The following NBEAL1 variants were observed in gnomAD, a reference collection of about 807,000 sequenced individuals.
NBEAL1 encodes the protein neurobeachin-like protein 1.
Under a neutral mutation model 351.3 loss-of-function variants are expected in NBEAL1, and 273 were observed. The ratio of observed to expected loss-of-function variants is 0.78; its 90% CI spans 0.70 to 0.86. NBEAL1 has a LOEUF of 0.86. Among genes scored for constraint, NBEAL1 ranks in the 40% least tolerant of loss-of-function variants. The probability of loss-of-function intolerance (pLI) is 0.00; values close to 1 mark genes in which losing one functional copy is unlikely to be tolerated. For synonymous variants in NBEAL1, 1,050 were observed against 1,086.4 expected (o/e 0.97, Z 0.66); for missense variants, 2,961 against 3,201.3 (o/e 0.92, Z 1.81).
chr2:203,034,593 G>A (rs2061011897), intron 2 of NBEAL1, among the ~76,000 whole-genome samples: 1 of 147,544 alleles, frequency 6.8e-6, no homozygotes, highest in Non-Finnish European at 1.5e-5. Flanking sequence ...CGAGTAGCTG[G>A]GATTACAGGC....
intron 2 of NBEAL1, among the ~76,000 whole-genome samples, chr2:203,024,179 G>C (rs900732668): frequency 1.3e-5 from 2 of 149,668 alleles, no homozygotes; most frequent in African/African-American, 4.9e-5. Flanking sequence ...CTGGGTGACA[G>C]AGTAAGACTC....
chr2:203,136,559 C>T (rs1376472491), intron 28 of NBEAL1, 40 bp from the exon 29 acceptor site: 1 of 1,405,304 alleles, frequency 7.1e-7, no homozygotes, highest in Non-Finnish European at 9.9e-7. Context: ...TGAACAACTA[C>T]ACCCTCTAGT....
chr2:203,022,008 G>A (rs962341757), intron 2 of NBEAL1, among the ~76,000 whole-genome samples: 2 of 150,316 alleles, frequency 1.3e-5, no homozygotes, highest in Admixed American at 6.7e-5. Context: ...CTGAGATCTC[G>A]CCACTACACT....
Position 203,133,095 on chromosome 2 carries a change from A to G in NBEAL1, c.3762A>G (p.Val1254=), listed in dbSNP as rs377594391. The stretch of plus-strand genomic sequence containing the variant: ...ATTTCAAAGATCTACTATCTGTGGT[A>G]TATATATCTCACAGAGCACATATAA... ...VINFKDLLSV[V]YISHRAHINV... Residue 1254 remains valine, a synonymous_variant, in exon 27 of 56, where the codon GTA becomes GTG. Coordinates refer to ENST00000683969, the MANE Select transcript of NBEAL1 (RefSeq NM_001378026.1). The G allele has an allele frequency of 3.0e-5, 46 of 1,518,974 alleles. No individual in the cohort carries two copies. The East Asian group carries it at 3.2e-4, about 11-fold the overall frequency. The allele number at this position is 1,518,974 out of a possible 1,614,324, so 94.1% of individuals were successfully genotyped here. A position where few individuals can be genotyped will look rare whatever the true frequency, so the allele number is the denominator to read the frequency against.
Position 203,192,966 on chromosome 2 carries a change from T to C in NBEAL1, c.6922-829T>C, listed in dbSNP as rs1199085685. On this transcript the variant is annotated intron_variant, in intron 46 of 55. Coordinates refer to ENST00000683969, the MANE Select transcript of NBEAL1 (RefSeq NM_001378026.1). ...TATTGACTTTTTTTCTTTCTTTCTT[T>C]TTTTTTTTTTTTTTTTTTTTTTTGA... Among the ~76,000 whole-genome samples the C allele has an allele frequency of 7.5e-3, 568 of 75,494 alleles. 12 individuals carry two copies. The highest frequency in any genetic ancestry group is 0.025 in the African/African-American group (527 of 21,098). The allele number at this position is 75,494 out of a possible 152,430, so 49.5% of individuals were successfully genotyped here.
At chr2:203,149,925 C>T (rs1159736481) in intron 34 of NBEAL1, among the ~76,000 whole-genome samples, 1 of 152,046 alleles carries the variant, frequency 6.6e-6, no homozygotes, top group African/African-American at 2.4e-5. Context: ...ATAGTATTCC[C>T]TTATAAGGAT....
intron 29 of NBEAL1, 61 bp downstream of exon 29, chr2:203,136,835 CGTTA>C (rs2106315518): frequency 7.2e-7 from 1 of 1,398,204 alleles, no homozygotes; most frequent in African/African-American, 1.4e-5. Context: ...TCTAAAATAA[CGTTA>C]GTTATTGAAC....
intron 31 of NBEAL1, among the ~76,000 whole-genome samples, chr2:203,139,403 AC>A (rs993575113): frequency 4.8e-4 from 73 of 151,954 alleles, no homozygotes; most frequent in African/African-American, 1.6e-3. Context: ...ACAGCTATTT[AC>A]CTGGCCCTTT....
intron 21 of NBEAL1, 97 bp from the exon 22 acceptor site, chr2:203,126,460 T>C: frequency 1.0e-6 from 1 of 992,800 alleles, no homozygotes; most frequent in Non-Finnish European, 1.4e-6. Flanking sequence ...TTTCTATTTT[T>C]ATACTTAGTA....
intron 2 of NBEAL1, among the ~76,000 whole-genome samples, chr2:203,016,926 A>C (rs1309286557): frequency 6.6e-6 from 1 of 152,178 alleles, no homozygotes; most frequent in Non-Finnish European, 1.5e-5. Flanking sequence ...TCTCACTACA[A>C]TACTGTGAGG....
At chr2:203,027,639 T>C (rs1018640518) in intron 2 of NBEAL1, among the ~76,000 whole-genome samples, 7 of 152,230 alleles carry the variant, frequency 4.6e-5, no homozygotes, top group African/African-American at 1.7e-4. Context: ...GTGATTTTTG[T>C]CTGTTCAAAA....
In NBEAL1 at chr2:203,068,475, CGTAA is replaced by C. The variant is rs1559344118; in HGVS notation, c.598+5_598+8del. 3 of 1,514,790 alleles carry C rather than the reference CGTAA, an allele frequency of 2.0e-6. No homozygotes were observed. The highest frequency in any genetic ancestry group is 2.0e-5 in the Admixed American group (1 of 50,674). The allele number at this position is 1,514,790 out of a possible 1,614,324, so 93.8% of individuals were successfully genotyped here. ...AGTGGAATTCGTCCCTTTCTTTTATCGTAAGTAACACCTCTAATTTCTCTTGCTA... is the reference window on the plus strand; with the variant it reads ...AGTGGAATTCGTCCCTTTCTTTTATCGTAACACCTCTAATTTCTCTTGCTA... On this transcript the variant is annotated splice_donor_variant and splice_donor_region_variant and intron_variant, in intron 7 of 55. Coordinates refer to ENST00000683969, the MANE Select transcript of NBEAL1 (RefSeq NM_001378026.1). LOFTEE classifies it high-confidence loss of function.
At chr2:203,035,175 C>T (rs773304317) in intron 2 of NBEAL1, among the ~76,000 whole-genome samples, 2 of 149,282 alleles carry the variant, frequency 1.3e-5, no homozygotes, top group African/African-American at 2.4e-5. Flanking sequence ...AGAAGCTAAA[C>T]GTCTGCTGTG....
At chr2:203,057,015 A>G (rs2061414631) in intron 5 of NBEAL1, among the ~76,000 whole-genome samples, 1 of 152,214 alleles carries the variant, frequency 6.6e-6, no homozygotes, top group African/African-American at 2.4e-5. Flanking sequence ...TATTATATAT[A>G]CTGTTATTTA....
intron 35 of NBEAL1, among the ~76,000 whole-genome samples, chr2:203,157,297 G>A (rs9288334): frequency 0.91 from 138,568 of 152,108 alleles, 63,590 homozygotes; most frequent in Non-Finnish European, 0.96. Context: ...AAGACAATTT[G>A]TCATATATTC....
intron 24 of NBEAL1, among the ~76,000 whole-genome samples, chr2:203,129,514 T>G (rs2063024638): frequency 6.6e-6 from 1 of 152,244 alleles, no homozygotes; most frequent in African/African-American, 2.4e-5. Flanking sequence ...GCTGTATCTA[T>G]GATTCATTGC....
intron 15 of NBEAL1, 96 bp downstream of exon 15, chr2:203,110,378 A>T: frequency 7.3e-7 from 1 of 1,367,128 alleles, no homozygotes; most frequent in South Asian, 1.4e-5. Context: ...TTTGCTAAAA[A>T]ATTTAAATGA....
chr2:203,059,254 T>C (rs1336493504), intron 6 of NBEAL1, among the ~76,000 whole-genome samples: 2 of 152,132 alleles, frequency 1.3e-5, no homozygotes, highest in Non-Finnish European at 2.9e-5. Flanking sequence ...TCCTGGGAGA[T>C]GGAGATTGGA....
At chr2:203,197,214 T>C in intron 47 of NBEAL1, 88 bp from the exon 48 acceptor site, 1 of 710,736 alleles carries the variant, frequency 1.4e-6, no homozygotes, top group Non-Finnish European at 2.5e-6. Flanking sequence ...TATCACAGGA[T>C]TCATCCTTAT....
Sources: allele counts gnomAD v4.1 joint callset (sites outside exome capture counted in the v4.1 genomes callset), GRCh38; gene constraint gnomAD v4.1.1; transcripts MANE v1.5; gene names NCBI Gene and HGNC (gene_info 2026-07-23, HGNC 2026-07-21).